Variants in HMCN2 observed in about 807,000 individuals in gnomAD.
The protein encoded by HMCN2 is hemicentin 2.
Under a neutral mutation model 377.5 loss-of-function variants are expected in HMCN2, and 325 were observed. That is an observed-to-expected ratio of 0.86 (90% confidence interval 0.79 to 0.94). The LOEUF is 0.94. HMCN2 is among the 40% of genes least tolerant of loss of function. The pLI is 0.00. For missense variants in HMCN2, 4,543 were observed against 4,725.3 expected, an observed-to-expected ratio of 0.96 and a Z score of 1.13; for synonymous variants, 2,007 against 2,046.8, an observed-to-expected ratio of 0.98 and a Z score of 0.53.
At chr9:130,372,059 T>G (rs1314875101) in intron 46 of HMCN2, among the ~76,000 whole-genome samples, 1 of 152,250 alleles carries the variant, frequency 6.6e-6, no homozygotes, top group Non-Finnish European at 1.5e-5. Flanking sequence ...CAGATACTTC[T>G]TGCTAGAGCA....
chr9:130,371,171 G>C, intron 46 of HMCN2, 40 bp downstream of exon 46: 3 of 979,536 alleles, frequency 3.1e-6, no homozygotes, highest in Non-Finnish European at 2.4e-6. Flanking sequence ...GAATCAGGTC[G>C]GGCTCTCTGC....
intron 85 of HMCN2, among the ~76,000 whole-genome samples, chr9:130,413,282 T>C (rs1843520271): frequency 6.6e-6 from 1 of 152,216 alleles, no homozygotes; most frequent in Admixed American, 6.5e-5. Flanking sequence ...TTGGACCCTC[T>C]GGTACACAGT....
chr9:130,397,073 C>T (rs1050871912), intron 73 of HMCN2, among the ~76,000 whole-genome samples: 3 of 152,162 alleles, frequency 2.0e-5, no homozygotes, highest in African/African-American at 7.2e-5. Context: ...GCCATTTTCA[C>T]GTTGCTGATA....
intron 22 of HMCN2, among the ~76,000 whole-genome samples, chr9:130,332,273 A>G (rs1315430755): frequency 6.6e-6 from 1 of 152,086 alleles, no homozygotes; most frequent in Non-Finnish European, 1.5e-5. Context: ...TCAGAGCCGG[A>G]CGTTTAGATC....
chr9:130,416,562 T>C (rs1391693497), intron 85 of HMCN2, among the ~76,000 whole-genome samples: 1 of 152,220 alleles, frequency 6.6e-6, no homozygotes, highest in Non-Finnish European at 1.5e-5. Context: ...GTACCACAGT[T>C]TATTCATGTA....
intron 44 of HMCN2, among the ~76,000 whole-genome samples, 189 bp downstream of exon 44, chr9:130,368,626 T>A (rs11243776): frequency 0.023 from 3,516 of 152,164 alleles, 47 homozygotes; most frequent in Middle Eastern, 0.061. Context: ...GGCTAATTTA[T>A]AAACGAGAGG....
chr9:130,391,234 C>T lies in HMCN2; in HGVS notation c.9698C>T (p.Ala3233Val), dbSNP rs1002711857. 19 of 987,662 alleles carry T rather than the reference C, an allele frequency of 1.9e-5. No individual in the cohort carries two copies. In the East Asian group the frequency reaches 1.8e-3, roughly 94 times the overall value. The allele number at this position is 987,662 out of a possible 1,614,324, so 61.2% of individuals were successfully genotyped here. The change falls in exon 64 of 98, where the codon GCG becomes GTG. Residue 3233 changes from alanine (A) to valine (V), a missense_variant. This residue lies in a region of HMCN2 where 736 missense variants were observed against 773.2 expected (regional missense o/e 0.95). Coordinates refer to ENST00000683500, the MANE Select transcript of HMCN2 (RefSeq NM_001291815.2). Reference sequence around the variant, plus strand: ...CCCCGGATCCGGAGCTCGGGCGTGGCGCGGGAGCACCATGTCTTGGAAGGG... The same window carrying T: ...CCCCGGATCCGGAGCTCGGGCGTGGTGCGGGAGCACCATGTCTTGGAAGGG... ...VAPRIRSSGV[A>V]REHHVLEGQE...
chr9:130,376,687 T>C (rs1841398776), intron 52 of HMCN2, 29 bp downstream of exon 52: 2 of 985,664 alleles, frequency 2.0e-6, no homozygotes, highest in African/African-American at 3.5e-5. Flanking sequence ...GCGCAGCTTC[T>C]GGCTCTCACC....
chr9:130,378,856 A>T (rs1372498827), intron 53 of HMCN2, among the ~76,000 whole-genome samples: 1 of 152,142 alleles, frequency 6.6e-6, no homozygotes, highest in African/African-American at 2.4e-5. Flanking sequence ...CCTTTGTAAA[A>T]TGCAGGTGAT....
rs913645950 is a variant in HMCN2 at position 130,426,044 on chromosome 9, C to T, written c.13879+120C>T. 5 of 773,814 alleles carry T rather than the reference C, an allele frequency of 6.5e-6. No individual in the cohort carries two copies. In the Admixed American group the frequency reaches 1.3e-4, roughly 20 times the overall value. 47.9% of individuals were successfully genotyped at this position (773,814 alleles called of 1,614,324 possible). ...ACATCCACTGACCATGGGCCAGAGA[C>T]TTCAGACTGAGACGGCCCGGCTGGC... On this transcript the variant is annotated intron_variant, in intron 90 of 97. Transcript: ENST00000683500.
chr9:130,365,257 AC>A (rs760994081), intron 41 of HMCN2, among the ~76,000 whole-genome samples: 4 of 152,152 alleles, frequency 2.6e-5, no homozygotes, highest in Non-Finnish European at 5.9e-5. Context: ...GGTCCCCTGC[AC>A]CCCACCAGCC....
At position 130,418,966 on chromosome 9, in the gene HMCN2, G is replaced by T. The variant is rs2131786255; in HGVS notation, c.13156G>T (p.Asp4386Tyr). Residue 4386 changes from aspartate (D) to tyrosine (Y), a missense_variant, in exon 86 of 98, where the codon GAT becomes TAT. Physicochemically the swap from Asp to Tyr is radical, Grantham distance 160. This residue lies in a region of HMCN2 where 1,155 missense variants were observed against 1,157.7 expected (regional missense o/e 1.00). Coordinates refer to ENST00000683500, the MANE Select transcript of HMCN2 (RefSeq NM_001291815.2). ...SLWLENVETGDAGTYDCVAHN... is the reference protein window; with the variant it reads ...SLWLENVETGYAGTYDCVAHN... ...GTGGCTGGAGAACGTGGAGACTGGG[G>T]ATGCAGGCACCTACGACTGCGTCGC... 6.5e-7 allele frequency: 1 copy of T among 1,530,242 alleles called. No individual in the cohort carries two copies. Among genetic ancestry groups the T allele is most frequent in the Non-Finnish European group, 8.8e-7 (1 of 1,136,228 alleles). 94.8% of individuals were successfully genotyped at this position (1,530,242 alleles called of 1,614,324 possible).
At chr9:130,392,459 G>T (rs888720389) in intron 66 of HMCN2, among the ~76,000 whole-genome samples, 1 of 152,198 alleles carries the variant, frequency 6.6e-6, no homozygotes, top group Admixed American at 6.5e-5. Context: ...AGTGGTTGGG[G>T]CGAAAGGGGC....
At position 130,418,920 on chromosome 9, in the gene HMCN2, G is replaced by A; in HGVS notation, c.13110G>A (p.Arg4370=). Residue 4370 remains arginine, a synonymous_variant, in exon 86 of 98, where the codon CGG becomes CGA. Coordinates refer to ENST00000683500, the MANE Select transcript of HMCN2 (RefSeq NM_001291815.2). ...CCTTGCGGGCCAGCCGGCGGCTCCG[G>A]ACCCTGCCCGATGGGAGCCTGTGGC... ...GQPLRASRRL[R]TLPDGSLWLE... is the part of the protein sequence containing the mutation. 10 of 1,547,670 alleles carry A rather than the reference G, an allele frequency of 6.5e-6. No individual in the cohort carries two copies. The highest frequency in any genetic ancestry group is 8.7e-6 in the Non-Finnish European group (10 of 1,145,270).
At chr9:130,340,475 C>T (rs914260917) in intron 23 of HMCN2, among the ~76,000 whole-genome samples, 192 of 151,996 alleles carry the variant, frequency 1.3e-3, no homozygotes, top group African/African-American at 4.3e-3. Flanking sequence ...CTCTGCCTTG[C>T]CTCAGTTTCC....
At chr9:130,282,198 G>A (rs568007229) in intron 1 of HMCN2, among the ~76,000 whole-genome samples, 3 of 152,316 alleles carry the variant, frequency 2.0e-5, no homozygotes, top group Non-Finnish European at 4.4e-5. Flanking sequence ...CCAAGGGCAC[G>A]CTCACGTTAG....
In HMCN2 at chr9:130,433,328, T is replaced by A. The variant is rs767760007; in HGVS notation, c.14895-20T>A. 2 of 1,416,056 alleles carry A rather than the reference T, an allele frequency of 1.4e-6. No homozygotes were observed. The highest frequency in any genetic ancestry group is 1.8e-6 in the Non-Finnish European group (2 of 1,093,068). The allele number at this position is 1,416,056 out of a possible 1,614,324, so 87.7% of individuals were successfully genotyped here. A position where few individuals can be genotyped will look rare whatever the true frequency, so the allele number is the denominator to read the frequency against. On this transcript the variant is annotated intron_variant, in intron 97 of 97. Coordinates refer to ENST00000683500, the MANE Select transcript of HMCN2 (RefSeq NM_001291815.2). The stretch of plus-strand genomic sequence containing the variant: ...CCGCACCCCCGAGTCCGCCTGTCCG[T>A]GTGTCTGTGCCGCCCGCAGGACGTG...
Position 130,357,990 on chromosome 9 carries a change from T to C in HMCN2, c.5580+2T>C, listed in dbSNP as rs769650675. 7.2e-4 allele frequency: 944 copies of C among 1,303,260 alleles called. No individual in the cohort carries two copies. Among genetic ancestry groups the C allele is most frequent in the Non-Finnish European group, 9.0e-4 (890 of 988,450 alleles). The allele number at this position is 1,303,260 out of a possible 1,614,324, so 80.7% of individuals were successfully genotyped here. On this transcript the variant is annotated splice_donor_variant, in intron 35 of 97. Transcript: ENST00000683500. LOFTEE classifies it high-confidence loss of function. ...GCAGCCTTTGGGGGGAACCTACAGG[T>C]ATGTGCAGGGGCCCCAGGGCTGGCA... is the stretch of plus-strand genomic sequence containing the variant.
intron 1 of HMCN2, among the ~76,000 whole-genome samples, chr9:130,276,885 T>A (rs1834724130): frequency 6.6e-6 from 1 of 152,174 alleles, no homozygotes; most frequent in South Asian, 2.1e-4. Context: ...CTGGGGTCAC[T>A]GCAGCTGGAG....
Sources: allele counts gnomAD v4.1 joint callset (sites outside exome capture counted in the v4.1 genomes callset), GRCh38; gene constraint gnomAD v4.1.1; regional missense constraint gnomAD v4.1.1; transcripts MANE v1.5; gene names NCBI Gene and HGNC (gene_info 2026-07-23, HGNC 2026-07-21).